TVP23A: variants seen among roughly 807,000 people sequenced by gnomAD.
The protein encoded by TVP23A is trans-golgi network vesicle protein 23 homolog A, also known as Golgi apparatus membrane protein TVP23 homolog A.
A neutral mutation model predicts 31.7 loss-of-function variants in TVP23A; 21 were observed. The observed-to-expected ratio is 0.66, with a 90% confidence interval of 0.47 to 0.95. TVP23A has a LOEUF of 0.95. Among genes scored for constraint, TVP23A ranks in the 40% least tolerant of loss-of-function variants. The pLI is 0.00. For synonymous variants in TVP23A, 104 were observed against 96.0 expected (o/e 1.08, Z -0.49); for missense variants, 279 against 255.6 (o/e 1.09, Z -0.62).
At chr16:10,765,201 GAA>G (rs1240990400), downstream of TVP23A, 1 of 152,108 alleles carries the variant, frequency 6.6e-6, no homozygotes, top group Admixed American at 6.6e-5. The surrounding 1 kb of genome is among the most constrained non-coding windows in gnomAD (Gnocchi z 4.0). Context: ...TGAAGAGCTA[GAA>G]ATCTATATCC....
chr16:10,797,767 TTTGAA>T (rs2033469077), intron 2 of TVP23A, among the ~76,000 whole-genome samples: 1 of 151,936 alleles, frequency 6.6e-6, no homozygotes, highest in African/African-American at 2.4e-5. Flanking sequence ...AATATGTATA[TTTGAA>T]TTGATGTGAT....
chr16:10,789,604 G>T (rs1444684671), intron 2 of TVP23A, among the ~76,000 whole-genome samples: 2 of 150,154 alleles, frequency 1.3e-5, no homozygotes, highest in African/African-American at 4.9e-5. Flanking sequence ...TGAGGCTGGT[G>T]GATCACCTGA....
intron 2 of TVP23A, among the ~76,000 whole-genome samples, chr16:10,810,089 G>C (rs186375936): frequency 6.6e-6 from 1 of 152,076 alleles, no homozygotes; most frequent in Non-Finnish European, 1.5e-5. Context: ...CCTAAACCGG[G>C]ATGAACCTGG....
intron 2 of TVP23A, among the ~76,000 whole-genome samples, chr16:10,816,960 C>T (rs71381183): frequency 0.021 from 3,021 of 146,528 alleles, 48 homozygotes; most frequent in Non-Finnish European, 0.033. Context: ...CACACACACA[C>T]ACGTCACCTG....
At chr16:10,784,638 T>C (rs900387458) in intron 2 of TVP23A, among the ~76,000 whole-genome samples, 3 of 152,100 alleles carry the variant, frequency 2.0e-5, no homozygotes, top group African/African-American at 7.2e-5. Context: ...TAAACCCTGA[T>C]ATAAACTATG....
intron 2 of TVP23A, among the ~76,000 whole-genome samples, chr16:10,794,532 G>A (rs1282456169): frequency 6.6e-6 from 1 of 152,204 alleles, no homozygotes; most frequent in Non-Finnish European, 1.5e-5. Flanking sequence ...TAGGTCCAAT[G>A]AGCCAGAGAA....
intron 2 of TVP23A, among the ~76,000 whole-genome samples, chr16:10,785,504 G>T (rs2142965173): frequency 6.6e-6 from 1 of 152,364 alleles, no homozygotes; most frequent in African/African-American, 2.4e-5. Flanking sequence ...AAACATCACT[G>T]TCCCACAACT....
downstream of TVP23A, among the ~76,000 whole-genome samples, chr16:10,760,302 G>A (rs899400272): frequency 1.3e-5 from 2 of 152,240 alleles, no homozygotes; most frequent in African/African-American, 2.4e-5. Context: ...CTAGAGGGAC[G>A]GGCATGGCTG....
chr16:10,785,142 C>A (rs932541906), intron 2 of TVP23A, among the ~76,000 whole-genome samples: 9 of 147,114 alleles, frequency 6.1e-5, no homozygotes, highest in Admixed American at 4.1e-4. Flanking sequence ...TGGTGGCTCA[C>A]GCCTATAATC....
At chr16:10,783,644 C>A (rs1281078365) in intron 2 of TVP23A, among the ~76,000 whole-genome samples, 1 of 152,140 alleles carries the variant, frequency 6.6e-6, no homozygotes, top group Non-Finnish European at 1.5e-5. Flanking sequence ...CCACTGCACT[C>A]CAGCCTGGGT....
chr16:10,780,834 C>G (rs898583531), intron 2 of TVP23A, among the ~76,000 whole-genome samples: 1 of 152,130 alleles, frequency 6.6e-6, no homozygotes, highest in African/African-American at 2.4e-5. Context: ...GGTTCCACCA[C>G]CAAGAGCCAA....
intron 2 of TVP23A, among the ~76,000 whole-genome samples, chr16:10,782,779 C>G (rs2032503840): frequency 6.6e-6 from 1 of 152,148 alleles, no homozygotes; most frequent in African/African-American, 2.4e-5. Flanking sequence ...GCTACAATTA[C>G]AGGTGTGAGC....
intron 2 of TVP23A, among the ~76,000 whole-genome samples, chr16:10,799,018 G>T (rs1011813289): frequency 3.3e-5 from 5 of 152,178 alleles, no homozygotes; most frequent in African/African-American, 9.7e-5. Flanking sequence ...CAAGCCAGCT[G>T]CCATGTTGGG....
intron 2 of TVP23A, among the ~76,000 whole-genome samples, chr16:10,778,297 G>A (rs1252641386): frequency 2.6e-5 from 4 of 151,012 alleles, no homozygotes; most frequent in South Asian, 2.1e-4. Context: ...TGATGCCACT[G>A]CACTCCAGCT....
At chr16:10,761,692 A>G, downstream of TVP23A, 1 of 1,277,578 alleles carries the variant, frequency 7.8e-7, no homozygotes, top group Non-Finnish European at 1.1e-6. Context: ...TTTCTTTAAA[A>G]TGTGGTCCAT....
chr16:10,810,921 A>C (rs570505935), intron 2 of TVP23A, among the ~76,000 whole-genome samples: 2 of 152,202 alleles, frequency 1.3e-5, no homozygotes, highest in Non-Finnish European at 2.9e-5. Context: ...AGTCTCCAAA[A>C]TTGCATGAAT....
intron 2 of TVP23A, among the ~76,000 whole-genome samples, chr16:10,785,852 C>T (rs2032722683): frequency 6.6e-6 from 1 of 152,186 alleles, no homozygotes; most frequent in Non-Finnish European, 1.5e-5. Flanking sequence ...CTGGCTCCCA[C>T]CTTTATGAAC....
At chr16:10,799,707 G>A (rs1276174783) in intron 2 of TVP23A, among the ~76,000 whole-genome samples, 4 of 152,234 alleles carry the variant, frequency 2.6e-5, no homozygotes, top group Non-Finnish European at 4.4e-5. Context: ...AAGACAAGGA[G>A]AGTGAGGTTC....
chr16:10,758,599 T>A (rs997523651), downstream of TVP23A, among the ~76,000 whole-genome samples: 8 of 152,232 alleles, frequency 5.3e-5, no homozygotes, highest in Non-Finnish European at 8.8e-5. Flanking sequence ...TTTTGAACTT[T>A]CCTTGAGGAA....
Sources: allele counts gnomAD v4.1 joint callset (sites outside exome capture counted in the v4.1 genomes callset), GRCh38; gene constraint gnomAD v4.1.1; non-coding constraint Gnocchi (gnomAD v3.1); transcripts MANE v1.5; gene names NCBI Gene and HGNC (gene_info 2026-07-23, HGNC 2026-07-21).